Variants in TLN2 observed in about 807,000 individuals in gnomAD.
The protein encoded by TLN2 is talin-2.
TLN2 carries 118 observed loss-of-function variants against 294.7 expected under a neutral mutation model. The observed-to-expected ratio is 0.40, with a 90% CI of 0.34 to 0.47. The LOEUF (loss-of-function observed/expected upper bound fraction) is 0.47, where lower values mean the gene tolerates loss of function less well. Among genes scored for constraint, TLN2 ranks in the 20% least tolerant of loss-of-function variants. TLN2 has a pLI of 0.84. For missense variants in TLN2, 3,083 were observed against 3,282.2 expected (o/e 0.94, Z 1.48); for synonymous variants, 1,431 against 1,304.5 (o/e 1.10, Z -2.09).
intron 2 of TLN2, among the ~76,000 whole-genome samples, chr15:62,611,588 A>T (rs1224721742): frequency 6.6e-6 from 1 of 152,208 alleles, no homozygotes; most frequent in Non-Finnish European, 1.5e-5. Context: ...CTTTTCCTGT[A>T]GTACCTCTTT....
At chr15:62,486,461 T>G (rs1039259373) in intron 1 of TLN2, among the ~76,000 whole-genome samples, 7 of 150,618 alleles carry the variant, frequency 4.6e-5, no homozygotes, top group Admixed American at 1.3e-4. Context: ...TGTTTTTTTT[T>G]TTTTTTTTTT....
intron 1 of TLN2, among the ~76,000 whole-genome samples, chr15:62,530,974 C>T (rs536797232): frequency 6.6e-6 from 1 of 152,154 alleles, no homozygotes; most frequent in South Asian, 2.1e-4. Flanking sequence ...TTAAGTTAGT[C>T]TATTGTTTTA....
chr15:62,672,878 T>C (rs2055596938), intron 9 of TLN2, among the ~76,000 whole-genome samples: 1 of 152,150 alleles, frequency 6.6e-6, no homozygotes, highest in African/African-American at 2.4e-5. Context: ...GAAAAATGAA[T>C]CAGGTACTCA....
At chr15:62,568,945 T>C (rs1397907161) in intron 1 of TLN2, among the ~76,000 whole-genome samples, 16 of 152,300 alleles carry the variant, frequency 1.1e-4, no homozygotes, top group Admixed American at 1.0e-3. Flanking sequence ...CAGGAATCTA[T>C]TCTCTCCCAG....
chr15:62,638,396 A>C (rs910480666), intron 3 of TLN2: 4 of 376,284 alleles, frequency 1.1e-5, no homozygotes, highest in African/African-American at 8.5e-5. Flanking sequence ...ACTGGGGACA[A>C]ATCTTTATGA....
At chr15:62,826,584 A>G (rs1279658597) in intron 54 of TLN2, among the ~76,000 whole-genome samples, 1 of 152,168 alleles carries the variant, frequency 6.6e-6, no homozygotes, top group African/African-American at 2.4e-5. Context: ...CACCCCATCC[A>G]TGGGTCCTCC....
At chr15:62,720,394 T>A (rs1368421231) in intron 25 of TLN2, among the ~76,000 whole-genome samples, 5 of 152,160 alleles carry the variant, frequency 3.3e-5, no homozygotes, top group Non-Finnish European at 4.4e-5. Flanking sequence ...TGTGGAAAAA[T>A]TCCCCTTTAC....
intron 1 of TLN2, among the ~76,000 whole-genome samples, chr15:62,539,451 G>C (rs921883038): frequency 1.3e-5 from 2 of 152,092 alleles, no homozygotes; most frequent in African/African-American, 4.8e-5. Flanking sequence ...AAGTGATAGT[G>C]CACCTTCACT....
Position 62,493,611 on chromosome 15 carries a change from C to A in TLN2, c.-237-96076C>A, listed in dbSNP as rs374073092. On this transcript the variant is annotated intron_variant, in intron 1 of 58. Coordinates refer to ENST00000636159, the MANE Select transcript of TLN2 (RefSeq NM_015059.3). ...TGGCCCAACACCATGGAGGTTCCCC[C>A]CCGCCGCTTTTTTTTTTGAGATGGA... is the stretch of plus-strand genomic sequence containing the variant. 8.4e-4 allele frequency among the ~76,000 whole-genome samples: 128 copies of A among 151,914 alleles called. 2 individuals carry two copies. In the East Asian group the frequency reaches 0.022, roughly 26 times the overall value.
chr15:62,719,775 T>A lies in TLN2; in HGVS notation c.2886T>A (p.Ala962=). The A allele has an allele frequency of 1.2e-6, 2 of 1,604,650 alleles. No homozygotes were observed. Among genetic ancestry groups the A allele is most frequent in the Non-Finnish European group, 8.5e-7 (1 of 1,175,226 alleles). Residue 962 remains alanine, a synonymous_variant, in exon 25 of 59, where the codon GCT becomes GCA. Coordinates refer to ENST00000636159, the MANE Select transcript of TLN2 (RefSeq NM_015059.3). ...QQLVQSCKAV[A]DHIPQLVQGV... ...TTCCTTGCCTTCTGCAGGCAGTGGC[T>A]GATCACATCCCTCAGCTGGTCCAGG... is the stretch of plus-strand genomic sequence containing the variant.
intron 1 of TLN2, among the ~76,000 whole-genome samples, chr15:62,481,746 C>G (rs2038102443): frequency 6.6e-6 from 1 of 150,806 alleles, no homozygotes; most frequent in Non-Finnish European, 1.5e-5. Context: ...CTTGCTAATA[C>G]AAATTTATCC....
chr15:62,662,827 T>TTG (rs1567292601), intron 9 of TLN2, among the ~76,000 whole-genome samples: 1 of 142,276 alleles, frequency 7.0e-6, no homozygotes, highest in Non-Finnish European at 1.6e-5. Context: ...AGAGAGTTTT[T>TTG]TTTTTTTTTT....
At chr15:62,524,392 G>T (rs1596011394) in intron 1 of TLN2, among the ~76,000 whole-genome samples, 1 of 152,174 alleles carries the variant, frequency 6.6e-6, no homozygotes, top group Non-Finnish European at 1.5e-5. Flanking sequence ...GTGTGCTTGT[G>T]TGTGTAGGAA....
chr15:62,450,295 A>G (rs2140319280), intron 1 of TLN2, among the ~76,000 whole-genome samples: 1 of 152,232 alleles, frequency 6.6e-6, no homozygotes, highest in Admixed American at 6.5e-5. Context: ...TGATACCTGA[A>G]GCCGAGCCAG....
chr15:62,517,732 A>G (rs1179602513), intron 1 of TLN2, among the ~76,000 whole-genome samples: 1 of 152,232 alleles, frequency 6.6e-6, no homozygotes, highest in East Asian at 1.9e-4. Flanking sequence ...TTGGAAAAAC[A>G]AACATGTTAA....
intron 3 of TLN2, among the ~76,000 whole-genome samples, chr15:62,634,884 G>A (rs546418163): frequency 4.6e-5 from 7 of 152,084 alleles, no homozygotes; most frequent in Admixed American, 1.3e-4. Context: ...CTGTCATTTC[G>A]ACTGTTTGCA....
chr15:62,529,729 A>C (rs534071928), intron 1 of TLN2, among the ~76,000 whole-genome samples: 1 of 152,276 alleles, frequency 6.6e-6, no homozygotes, highest in African/African-American at 2.4e-5. Context: ...TACCACATTT[A>C]CTTTTCAGTA....
intron 3 of TLN2, among the ~76,000 whole-genome samples, chr15:62,639,565 T>C (rs2050771931): frequency 6.6e-6 from 1 of 152,250 alleles, no homozygotes; most frequent in Non-Finnish European, 1.5e-5. Flanking sequence ...ATGTTCTCTC[T>C]TGTTTTCTGG....
chr15:62,831,275 A>C (rs192722575), intron 54 of TLN2: 1 of 152,198 alleles, frequency 6.6e-6, no homozygotes, highest in East Asian at 1.9e-4. Flanking sequence ...ACCTGAGGCA[A>C]GAGCGTGAGA....
Sources: gnomAD v4.1 joint callset for allele counts (sites outside exome capture counted in the v4.1 genomes callset) on GRCh38, gnomAD v4.1.1 for gene constraint, MANE v1.5 for transcripts, NCBI Gene and HGNC (gene_info 2026-07-23, HGNC 2026-07-21) for gene names.